The following FAM117A variants were observed in gnomAD, a reference collection of about 807,000 sequenced individuals.
FAM117A encodes protein FAM117A.
In FAM117A, 21 loss-of-function variants were observed where a neutral mutation model predicts 44.1. The observed-to-expected ratio is 0.48, with a 90% CI of 0.34 to 0.69. The LOEUF is 0.69. FAM117A is among the 30% of genes least tolerant of loss of function. The pLI is 0.01. For synonymous variants in FAM117A, 220 were observed against 238.3 expected, an observed-to-expected ratio of 0.92 and a Z score of 0.71; for missense variants, 498 against 589.9, an observed-to-expected ratio of 0.84 and a Z score of 1.61.
At chr17:49,766,250 C>T (rs1297864115), upstream of FAM117A, among the ~76,000 whole-genome samples, 1 of 152,200 alleles carries the variant, frequency 6.6e-6, no homozygotes, top group African/African-American at 2.4e-5. Flanking sequence ...CTTAAGAACA[C>T]AGGATTACTG....
intron 1 of FAM117A, among the ~76,000 whole-genome samples, chr17:49,737,712 T>G (rs1046749310): frequency 6.6e-6 from 1 of 152,218 alleles, no homozygotes; most frequent in Non-Finnish European, 1.5e-5. Context: ...TTTGGTGTGC[T>G]GTAATCTTTT....
upstream of FAM117A, among the ~76,000 whole-genome samples, chr17:49,767,911 TA>T (rs533542842): frequency 4.1e-3 from 586 of 141,776 alleles, 4 homozygotes; most frequent in African/African-American, 0.011. Flanking sequence ...AAAATAATAA[TA>T]AAAAAAAAAA....
At chr17:49,777,741 T>TG (rs1472650245) in intron 1 of FAM117A, among the ~76,000 whole-genome samples, 1 of 152,182 alleles carries the variant, frequency 6.6e-6, no homozygotes, top group Non-Finnish European at 1.5e-5. Context: ...CCGGGGCTAA[T>TG]GGCCTCCCTG....
intron 1 of FAM117A, among the ~76,000 whole-genome samples, chr17:49,786,778 G>GAA (rs35017139): frequency 4.3e-5 from 5 of 117,198 alleles, no homozygotes; most frequent in Admixed American, 8.7e-5. Flanking sequence ...CCCTGTCTCA[G>GAA]AAAAAAAAAA....
At chr17:49,732,783 C>T (rs770730590) in intron 1 of FAM117A, 63 bp from the exon 2 acceptor site, 1,582 of 1,538,392 alleles carry the variant, frequency 1.0e-3, no homozygotes, top group Non-Finnish European at 1.3e-3. Context: ...GTGGCAATCA[C>T]CTTCCTCTTC....
chr17:49,763,838 GC>G (rs1393910541), intron 1 of FAM117A, 53 bp downstream of exon 1: 12 of 293,590 alleles, frequency 4.1e-5, no homozygotes, highest in African/African-American at 3.9e-5. Context: ...GCGGTCACGC[GC>G]CCCCCCTCCC....
At chr17:49,757,549 T>C (rs2073703696) in intron 1 of FAM117A, among the ~76,000 whole-genome samples, 1 of 152,156 alleles carries the variant, frequency 6.6e-6, no homozygotes, top group East Asian at 1.9e-4. Context: ...GACCACAAGC[T>C]GAGCCCGAAC....
rs540981062 is a variant in FAM117A, at chr17:49,732,703, C to A, written c.214G>T (p.Val72Leu). ...GGRAASVPCS[V>L]APEKSVCRPQ... ...CTACACACTGACTTTTCTGGGGCCA[C>A]CGAGCATGGGACGCTGGCTGCAAGA... Residue 72 changes from valine (V) to leucine (L), a missense_variant, in exon 2 of 8, where the codon GTG becomes TTG. By Grantham distance (32) the Val-to-Leu change is conservative. Around this residue, in one of 3 missense-constraint regions of FAM117A, gnomAD observed 270 missense variants for 277.4 expected, o/e 0.97. Coordinates refer to ENST00000240364, the MANE Select transcript of FAM117A (RefSeq NM_030802.4). 1.9e-6 allele frequency: 3 copies of A among 1,613,630 alleles called. No homozygotes were observed. The highest frequency in any genetic ancestry group is 3.3e-5 in the Admixed American group (2 of 59,962).
At chr17:49,761,139 C>G (rs1418124958) in intron 1 of FAM117A, among the ~76,000 whole-genome samples, 1 of 152,214 alleles carries the variant, frequency 6.6e-6, no homozygotes, top group South Asian at 2.1e-4. Context: ...CTGAGCGTTA[C>G]ATCACTTTGA....
chr17:49,740,310 C>G (rs975838395), intron 1 of FAM117A, among the ~76,000 whole-genome samples: 11 of 151,484 alleles, frequency 7.3e-5, no homozygotes, highest in South Asian at 2.1e-4. Context: ...TGCAGTGGCG[C>G]GATCTCGGCG....
At chr17:49,770,427 G>C (rs916656123) in intron 1 of FAM117A, among the ~76,000 whole-genome samples, 1 of 152,148 alleles carries the variant, frequency 6.6e-6, no homozygotes, top group Admixed American at 6.5e-5. Context: ...ATGATTCCAT[G>C]TATATGAAAT....
intron 1 of FAM117A, among the ~76,000 whole-genome samples, chr17:49,754,921 C>T (rs1039046640): frequency 2.6e-5 from 4 of 151,466 alleles, no homozygotes; most frequent in African/African-American, 9.7e-5. Context: ...GCCTGTAATC[C>T]CAGCTACTCG....
At chr17:49,716,515 C>T (rs1046602574) in intron 6 of FAM117A, among the ~76,000 whole-genome samples, 200 bp from the exon 7 acceptor site, 3 of 152,164 alleles carry the variant, frequency 2.0e-5, no homozygotes, top group African/African-American at 7.2e-5. Context: ...TATAACAGAA[C>T]AGAAAAACGG....
intron 6 of FAM117A, among the ~76,000 whole-genome samples, chr17:49,716,647 C>G (rs1028764310): frequency 1.3e-5 from 2 of 152,164 alleles, no homozygotes; most frequent in Non-Finnish European, 2.9e-5. Context: ...CTGCCTTCTT[C>G]CAAGACTGTC....
At chr17:49,758,964 A>G (rs1270504028) in intron 1 of FAM117A, among the ~76,000 whole-genome samples, 1 of 152,216 alleles carries the variant, frequency 6.6e-6, no homozygotes, top group Non-Finnish European at 1.5e-5. Context: ...TTCAGCAGAA[A>G]ATAAAGGCAT....
intron 1 of FAM117A, among the ~76,000 whole-genome samples, chr17:49,785,431 G>C (rs1260196261): frequency 6.6e-6 from 1 of 152,168 alleles, no homozygotes; most frequent in Non-Finnish European, 1.5e-5. Flanking sequence ...AGGATCGCTT[G>C]GCCCAGGAGA....
chr17:49,748,096 G>A (rs1004220368), intron 1 of FAM117A, among the ~76,000 whole-genome samples: 3 of 152,166 alleles, frequency 2.0e-5, no homozygotes, highest in Non-Finnish European at 4.4e-5. Context: ...CAACACCACT[G>A]GAAGGTAAGT....
At chr17:49,764,191 C>G, upstream of FAM117A, 1 of 538,864 alleles carries the variant, frequency 1.9e-6, no homozygotes, top group Non-Finnish European at 2.9e-6. Flanking sequence ...CCGGCCCCCT[C>G]ATCCTAGAGC....
chr17:49,773,926 G>A (rs1459686809), intron 1 of FAM117A, among the ~76,000 whole-genome samples: 1 of 151,996 alleles, frequency 6.6e-6, no homozygotes, highest in African/African-American at 2.4e-5. Context: ...GCTAATTTTT[G>A]TATTTTTAGT....
Sources: allele counts gnomAD v4.1 joint callset (sites outside exome capture counted in the v4.1 genomes callset), GRCh38; gene constraint gnomAD v4.1.1; regional missense constraint gnomAD v4.1.1; transcripts MANE v1.5; gene names NCBI Gene and HGNC (gene_info 2026-07-23, HGNC 2026-07-21).